Variants in FSD1L observed in about 807,000 individuals in gnomAD.
FSD1L encodes FSD1-like protein.
In FSD1L, 45 loss-of-function variants were observed where a neutral mutation model predicts 71.6. The ratio of observed to expected loss-of-function variants is 0.63; its 90% CI spans 0.49 to 0.81. The LOEUF (loss-of-function observed/expected upper bound fraction) is 0.81, where lower values mean the gene tolerates loss of function less well. FSD1L is among the 30% of genes least tolerant of loss of function. The pLI, the probability that FSD1L is intolerant of heterozygous loss-of-function variation, is 0.00. For missense variants in FSD1L, 561 were observed against 618.1 expected, an observed-to-expected ratio of 0.91 and a Z score of 0.98; for synonymous variants, 197 against 207.2, an observed-to-expected ratio of 0.95 and a Z score of 0.42.
At chr9:105,533,582 C>T (rs1343828337) in intron 10 of FSD1L, among the ~76,000 whole-genome samples, 1 of 149,482 alleles carries the variant, frequency 6.7e-6, no homozygotes, top group Non-Finnish European at 1.5e-5. Flanking sequence ...ACAACCACAC[C>T]CAGCTAATTT....
chr9:105,461,146 T>G (rs775916810), intron 1 of FSD1L, among the ~76,000 whole-genome samples: 7 of 152,194 alleles, frequency 4.6e-5, no homozygotes, highest in Non-Finnish European at 1.0e-4. Context: ...TATTTTTAAT[T>G]GCAAATTAAT....
chr9:105,447,099 G>A (rs1004014438), upstream of FSD1L, among the ~76,000 whole-genome samples: 2 of 151,878 alleles, frequency 1.3e-5, no homozygotes, highest in Non-Finnish European at 2.9e-5. Context: ...TGAGGTGGGC[G>A]GACTGCCTGA....
intron 10 of FSD1L, chr9:105,524,522 A>G: frequency 6.2e-7 from 1 of 1,613,860 alleles, no homozygotes; most frequent in Non-Finnish European, 8.5e-7. Context: ...AAACAGAAAA[A>G]TCTGTTCTCA....
intron 5 of FSD1L, among the ~76,000 whole-genome samples, chr9:105,478,516 G>T (rs2812310): frequency 1.3e-5 from 2 of 151,958 alleles, no homozygotes; most frequent in African/African-American, 4.8e-5. Flanking sequence ...ATTGTTAACT[G>T]TACTGGTTAC....
At position 105,532,057 on chromosome 9, in the gene FSD1L, G is replaced by A. The variant is rs144155714; in HGVS notation, c.1026-2436G>A. The stretch of plus-strand genomic sequence containing the variant: ...AAAGGAGGGAGGAAGCCCTAAATCT[G>A]GCTTCTTCCCAGAGTACCTCTGTGG... On this transcript the variant is annotated intron_variant, in intron 10 of 13. Coordinates refer to ENST00000481272, the MANE Select transcript of FSD1L (RefSeq NM_001145313.3). 2.0e-3 allele frequency among the ~76,000 whole-genome samples: 301 copies of A among 152,246 alleles called. 3 individuals are homozygous for A. The highest frequency in any genetic ancestry group is 6.9e-3 in the African/African-American group (285 of 41,556).
At chr9:105,543,378 C>T (rs1836753634) in intron 13 of FSD1L, among the ~76,000 whole-genome samples, 1 of 152,114 alleles carries the variant, frequency 6.6e-6, no homozygotes, top group Admixed American at 6.5e-5. Flanking sequence ...TTATGTCTCA[C>T]TTTATTGAAT....
chr9:105,513,456 C>A, intron 10 of FSD1L: 2 of 562,494 alleles, frequency 3.6e-6, no homozygotes, highest in Non-Finnish European at 6.0e-6. Context: ...AATTTTTGCT[C>A]AAACTGAAGA....
intron 10 of FSD1L, chr9:105,523,337 T>TTG: frequency 1.3e-6 from 2 of 1,595,850 alleles, no homozygotes; most frequent in Non-Finnish European, 1.7e-6. Flanking sequence ...ACCACGCTGT[T>TTG]CTTCAGACAC....
intron 13 of FSD1L, among the ~76,000 whole-genome samples, chr9:105,544,993 A>C (rs956857926): frequency 6.6e-6 from 1 of 152,192 alleles, no homozygotes; most frequent in African/African-American, 2.4e-5. Context: ...TGGGGATGGC[A>C]TTAAATCTAT....
chr9:105,464,786 C>G (rs1274505005), intron 3 of FSD1L, among the ~76,000 whole-genome samples: 1 of 151,030 alleles, frequency 6.6e-6, no homozygotes, highest in Non-Finnish European at 1.5e-5. Context: ...GCTTGGGCAA[C>G]ATGGCAAGAC....
chr9:105,536,194 G>A (rs982409805), intron 12 of FSD1L, among the ~76,000 whole-genome samples: 2 of 152,190 alleles, frequency 1.3e-5, no homozygotes, highest in African/African-American at 4.8e-5. Context: ...TTGTTGGACA[G>A]CTCTTGGTTA....
chr9:105,537,533 A>G (rs897157302), intron 12 of FSD1L, among the ~76,000 whole-genome samples: 5 of 152,018 alleles, frequency 3.3e-5, no homozygotes, highest in Admixed American at 1.3e-4. Context: ...TACAGTTTTT[A>G]GTCTAGAACA....
intron 12 of FSD1L, among the ~76,000 whole-genome samples, chr9:105,537,021 A>T (rs1836313298): frequency 6.6e-6 from 1 of 152,228 alleles, no homozygotes; most frequent in Non-Finnish European, 1.5e-5. Flanking sequence ...TTTCATCTTA[A>T]TAGATTTGGC....
intron 10 of FSD1L, among the ~76,000 whole-genome samples, chr9:105,519,759 G>T (rs1338443720): frequency 6.6e-6 from 1 of 152,130 alleles, no homozygotes; most frequent in African/African-American, 2.4e-5. Flanking sequence ...GAGTTGTGCT[G>T]CTGCCTCCGA....
At chr9:105,508,792 C>A in intron 9 of FSD1L, 77 bp downstream of exon 9, 1 of 826,528 alleles carries the variant, frequency 1.2e-6, no homozygotes, top group Non-Finnish European at 1.9e-6. Flanking sequence ...TAACAGGAAG[C>A]ACTTCATGTG....
chr9:105,462,905 A>C (rs920451718), intron 2 of FSD1L, among the ~76,000 whole-genome samples: 3 of 150,002 alleles, frequency 2.0e-5, no homozygotes, highest in Non-Finnish European at 3.0e-5. Flanking sequence ...TGGGAGGTTG[A>C]GGCAGGTGGA....
intron 12 of FSD1L, among the ~76,000 whole-genome samples, chr9:105,537,134 A>C (rs181802308): frequency 2.9e-4 from 44 of 152,326 alleles, no homozygotes; most frequent in African/African-American, 1.1e-3. Flanking sequence ...CATATTCTCT[A>C]CAGTCATCTA....
chr9:105,533,440 T>TTTTTTTTTTTTTTA (rs1836047564), intron 10 of FSD1L, among the ~76,000 whole-genome samples: 1 of 135,520 alleles, frequency 7.4e-6, no homozygotes, highest in African/African-American at 2.8e-5. Flanking sequence ...TTTTTTTTTT[T>TTTTTTTTTTTTTTA]GAGATGGCGT....
chr9:105,518,575 G>T (rs564431991), intron 10 of FSD1L, among the ~76,000 whole-genome samples: 1 of 152,140 alleles, frequency 6.6e-6, no homozygotes, highest in Non-Finnish European at 1.5e-5. Flanking sequence ...GGTAAATAAC[G>T]AAATGAAGGC....
Sources: gnomAD v4.1 joint callset for allele counts (sites outside exome capture counted in the v4.1 genomes callset) on GRCh38, gnomAD v4.1.1 for gene constraint, MANE v1.5 for transcripts, NCBI Gene and HGNC (gene_info 2026-07-23, HGNC 2026-07-21) for gene names.